CSE1L: variants seen among roughly 807,000 people sequenced by gnomAD.
The protein encoded by CSE1L is exportin-2.
Under a neutral mutation model 120.4 loss-of-function variants are expected in CSE1L, and 24 were observed. The ratio of observed to expected loss-of-function variants is 0.20; its 90% CI spans 0.14 to 0.28. The LOEUF (loss-of-function observed/expected upper bound fraction) is 0.28, where lower values mean the gene tolerates loss of function less well. CSE1L is among the 10% of genes least tolerant of loss of function. The pLI is 1.00. For missense variants in CSE1L, 830 were observed against 1,145.2 expected (o/e 0.72, Z 3.97); for synonymous variants, 402 against 398.3 (o/e 1.01, Z -0.11).
intron 1 of CSE1L, among the ~76,000 whole-genome samples, chr20:49,053,149 T>C (rs112844937): frequency 5.5e-4 from 30 of 54,096 alleles, no homozygotes; most frequent in East Asian, 1.0e-3. Context: ...CTGTCTCTCT[T>C]TTTTTTTTTT....
chr20:49,076,909 C>A, intron 12 of CSE1L, 71 bp from the exon 13 acceptor site: 1 of 939,296 alleles, frequency 1.1e-6, no homozygotes, highest in Non-Finnish European at 1.6e-6. Flanking sequence ...TCTAAAATTG[C>A]CTGAATTTCT....
intron 24 of CSE1L, 162 bp downstream of exon 24, chr20:49,095,125 T>C: frequency 2.9e-6 from 2 of 689,686 alleles, no homozygotes; most frequent in Admixed American, 4.5e-5. Context: ...CACTGAGCCC[T>C]TTTTTTCTTG....
At position 49,088,006 on chromosome 20, in the gene CSE1L, C is replaced by T; in HGVS notation, c.1724-3C>T. 6.5e-7 allele frequency: 1 copy of T among 1,527,154 alleles called. No homozygotes were observed. The highest frequency in any genetic ancestry group is 8.9e-7 in the Non-Finnish European group (1 of 1,124,298). The allele number at this position is 1,527,154 out of a possible 1,614,324, so 94.6% of individuals were successfully genotyped here. On this transcript the variant is annotated splice_polypyrimidine_tract_variant and splice_region_variant and intron_variant, in intron 16 of 24. Coordinates refer to ENST00000262982, the MANE Select transcript of CSE1L (RefSeq NM_001316.4). ...TTGTTTTTGCTGTTTTTGTATTTTA[C>T]AGCTATCATGAGAAGTTTTTCTCTC... is the stretch of plus-strand genomic sequence containing the variant.
At chr20:49,088,477 T>A (rs904002060) in intron 17 of CSE1L, among the ~76,000 whole-genome samples, 6 of 152,230 alleles carry the variant, frequency 3.9e-5, no homozygotes, top group Non-Finnish European at 7.3e-5. Flanking sequence ...TCCTTTGTGT[T>A]GTCTTTTCTT....
chr20:49,077,869 T>C lies in CSE1L; in HGVS notation c.1421-692T>C, dbSNP rs1235058989. Among the ~76,000 whole-genome samples the C allele has an allele frequency of 2.0e-5, 3 of 152,202 alleles. No individual in the cohort carries two copies. The East Asian group carries it at 5.8e-4, about 29-fold the overall frequency. On this transcript the variant is annotated intron_variant, in intron 13 of 24. Transcript: ENST00000262982. ...GAATACAAAAACTAGCCGGGCGTGG[T>C]GGCGTGTGCCTGTAATCCCAGCTAT...
chr20:49,066,344 A>T (rs879301645), intron 4 of CSE1L, 21 bp from the exon 5 acceptor site: 8 of 1,614,020 alleles, frequency 5.0e-6, no homozygotes, highest in African/African-American at 1.3e-5. Context: ...CTCTGATCTA[A>T]TTAATCTTTT....
intron 14 of CSE1L, among the ~76,000 whole-genome samples, chr20:49,080,492 C>CT (rs1052576011): frequency 1.3e-5 from 2 of 151,664 alleles, no homozygotes; most frequent in Non-Finnish European, 2.9e-5. Flanking sequence ...ATACTTTATT[C>CT]TTTTTTTTGG....
chr20:49,052,899 G>A (rs761386429), intron 1 of CSE1L, among the ~76,000 whole-genome samples: 91 of 152,190 alleles, frequency 6.0e-4, no homozygotes, highest in Non-Finnish European at 9.1e-4. Context: ...GAGTTTGGGT[G>A]TTTAAGACAA....
At chr20:49,050,523 C>T (rs2091758703) in intron 1 of CSE1L, among the ~76,000 whole-genome samples, 1 of 151,100 alleles carries the variant, frequency 6.6e-6, no homozygotes, top group African/African-American at 2.4e-5. Context: ...CTGTCTCAGC[C>T]TCCTGAGTAG....
intron 3 of CSE1L, among the ~76,000 whole-genome samples, chr20:49,064,694 C>G (rs955492372): frequency 6.6e-6 from 1 of 152,098 alleles, no homozygotes; most frequent in African/African-American, 2.4e-5. Context: ...GCTTGGGCAA[C>G]AGTGCCAGAC....
In CSE1L at chr20:49,071,497, G is replaced by GAT. The variant is rs1461937655; in HGVS notation, c.769-788_769-787dup. ...TGGCTTTGGTTTTTGTTCTTACTCT[G>GAT]ATGTCTTCCCTTGTCTCACTCTGTC... On this transcript the variant is annotated intron_variant, in intron 8 of 24. Transcript: ENST00000262982. Among the ~76,000 whole-genome samples, 10 of 152,236 alleles carry GAT rather than the reference G, an allele frequency of 6.6e-5. No homozygotes were observed. The East Asian group carries it at 1.9e-3, about 29-fold the overall frequency.
At chr20:49,093,810 A>G (rs2037656133) in intron 22 of CSE1L, among the ~76,000 whole-genome samples, 1 of 151,642 alleles carries the variant, frequency 6.6e-6, no homozygotes, top group African/African-American at 2.4e-5. Flanking sequence ...CCACCTACTC[A>G]GGGGGCTGAG....
At chr20:49,088,359 AAAAG>A (rs1452964802) in intron 17 of CSE1L, among the ~76,000 whole-genome samples, 1 of 152,230 alleles carries the variant, frequency 6.6e-6, no homozygotes, top group African/African-American at 2.4e-5. Context: ...TTATTGTAGA[AAAAG>A]AAAGTGCAGA....
At chr20:49,065,601 T>G (rs2091886502) in intron 3 of CSE1L, among the ~76,000 whole-genome samples, 1 of 132,854 alleles carries the variant, frequency 7.5e-6, no homozygotes, top group African/African-American at 2.8e-5. Flanking sequence ...TTTTTTTTTT[T>G]TTTTTTTTTT....
chr20:49,094,369 GGGCCAA>G (rs2092124201), intron 23 of CSE1L, 83 bp downstream of exon 23: 1 of 1,324,802 alleles, frequency 7.5e-7, no homozygotes, highest in African/African-American at 1.5e-5. Flanking sequence ...ATTCTCTTGG[GGGCCAA>G]GAGAATCTTG....
chr20:49,088,073 T>G lies in CSE1L; in HGVS notation c.1788T>G (p.Thr596=). ...AIIPYIPTLI[T]QLTQKLLAVS... is the part of the protein sequence containing the mutation. ...TCCCCTACATCCCTACTCTCATCAC[T>G]CAGCTTACACAGAAGCTATTAGCTG... The change falls in exon 17 of 25, where the codon ACT becomes ACG. Residue 596 remains threonine, a synonymous_variant. Coordinates refer to ENST00000262982, the MANE Select transcript of CSE1L (RefSeq NM_001316.4). 1 of 1,612,514 alleles carries G rather than the reference T, an allele frequency of 6.2e-7. No individual in the cohort carries two copies. The highest frequency in any genetic ancestry group is 8.5e-7 in the Non-Finnish European group (1 of 1,179,168).
chr20:49,065,955 A>T (rs774902738), intron 3 of CSE1L, among the ~76,000 whole-genome samples: 4 of 152,164 alleles, frequency 2.6e-5, no homozygotes, highest in Non-Finnish European at 4.4e-5. Context: ...TGTATGTAAA[A>T]TATTTGCATT....
intron 8 of CSE1L, 38 bp downstream of exon 8, chr20:49,070,335 T>C: frequency 1.0e-6 from 1 of 981,886 alleles, no homozygotes; most frequent in Non-Finnish European, 1.6e-6. Flanking sequence ...GTCTTTTTCT[T>C]TCATTAAGAG....
chr20:49,081,971 TTCTC>T (rs1411648915), intron 14 of CSE1L, among the ~76,000 whole-genome samples: 1 of 152,222 alleles, frequency 6.6e-6, no homozygotes, highest in Non-Finnish European at 1.5e-5. Flanking sequence ...GTCAGTCCCT[TTCTC>T]TCTATAGGTA....
Sources: allele counts gnomAD v4.1 joint callset (sites outside exome capture counted in the v4.1 genomes callset), GRCh38; gene constraint gnomAD v4.1.1; transcripts MANE v1.5; gene names NCBI Gene and HGNC (gene_info 2026-07-23, HGNC 2026-07-21).